The following NRF1 variants were observed in gnomAD, a reference collection of about 807,000 sequenced individuals.
NRF1 encodes the protein nuclear respiratory factor 1.
In NRF1, 5 loss-of-function variants were observed where a neutral mutation model predicts 58.5. The ratio of observed to expected loss-of-function variants is 0.09; its 90% CI spans 0.04 to 0.18. NRF1 has a LOEUF of 0.18. NRF1 is among the 10% of genes least tolerant of loss of function. The pLI, the probability that NRF1 is intolerant of heterozygous loss-of-function variation, is 1.00. For missense variants in NRF1, 288 were observed against 657.7 expected (o/e 0.44, Z 6.15); for synonymous variants, 224 against 246.7 (o/e 0.91, Z 0.86).
chr7:129,629,176 A>G (rs1007988745), intron 1 of NRF1, among the ~76,000 whole-genome samples: 2 of 152,236 alleles, frequency 1.3e-5, no homozygotes, highest in African/African-American at 4.8e-5. Context: ...GGTCTGAAGA[A>G]CAATATAGTT....
At chr7:129,644,871 G>T (rs187774997) in intron 1 of NRF1, among the ~76,000 whole-genome samples, 18 of 152,240 alleles carry the variant, frequency 1.2e-4, no homozygotes, top group Non-Finnish European at 2.5e-4. Flanking sequence ...AATAGAAGAA[G>T]ATTGGAATAT....
chr7:129,677,526 AAG>A, intron 3 of NRF1, 104 bp from the exon 4 acceptor site: 1 of 997,386 alleles, frequency 1.0e-6, no homozygotes, highest in African/African-American at 1.6e-5. Flanking sequence ...TTTTACGTAA[AAG>A]AGCATATCTG....
intron 1 of NRF1, among the ~76,000 whole-genome samples, chr7:129,626,718 T>G (rs560398912): frequency 2.6e-5 from 4 of 152,348 alleles, no homozygotes; most frequent in African/African-American, 9.6e-5. Flanking sequence ...AAGTAGCAAC[T>G]ACACCAATTA....
At chr7:129,619,466 GT>G (rs2151055020) in intron 1 of NRF1, among the ~76,000 whole-genome samples, 2 of 17,416 alleles carry the variant, frequency 1.1e-4, no homozygotes, top group African/African-American at 1.1e-4. Flanking sequence ...ACACGTGTGT[GT>G]GTGTGTGTGT....
At chr7:129,735,570 G>A (rs1424535690) in intron 10 of NRF1, among the ~76,000 whole-genome samples, 2 of 152,144 alleles carry the variant, frequency 1.3e-5, no homozygotes, top group South Asian at 2.1e-4. Flanking sequence ...AATTAAAGCT[G>A]ATGACAAGGC....
chr7:129,705,212 T>G (rs757989559), intron 5 of NRF1, among the ~76,000 whole-genome samples: 15 of 152,178 alleles, frequency 9.9e-5, no homozygotes, highest in Admixed American at 2.0e-4. Context: ...CTTGTATATT[T>G]GCTATTATTA....
At chr7:129,625,137 T>G (rs1319022905) in intron 1 of NRF1, among the ~76,000 whole-genome samples, 1 of 152,208 alleles carries the variant, frequency 6.6e-6, no homozygotes, top group Non-Finnish European at 1.5e-5. Flanking sequence ...GTGGCATTCC[T>G]TGACTTGTGG....
At chr7:129,665,508 GA>G (rs1355914470) in intron 2 of NRF1, among the ~76,000 whole-genome samples, 4 of 151,808 alleles carry the variant, frequency 2.6e-5, no homozygotes. Context: ...TGATTTTCAA[GA>G]AAAAAAAGTT....
intron 10 of NRF1, among the ~76,000 whole-genome samples, chr7:129,749,894 A>C (rs929938524): frequency 1.3e-5 from 2 of 152,080 alleles, no homozygotes; most frequent in Admixed American, 6.5e-5. Flanking sequence ...TATTTACTAA[A>C]CTGAGTTAAC....
chr7:129,745,096 T>A (rs1803941734), intron 10 of NRF1, among the ~76,000 whole-genome samples: 1 of 152,216 alleles, frequency 6.6e-6, no homozygotes, highest in African/African-American at 2.4e-5. Context: ...GCTGTTCATT[T>A]CTGCACCTGA....
intron 5 of NRF1, among the ~76,000 whole-genome samples, chr7:129,704,408 T>C (rs1250951107): frequency 6.6e-6 from 1 of 152,210 alleles, no homozygotes; most frequent in Non-Finnish European, 1.5e-5. Flanking sequence ...TTCAGAAAGC[T>C]AGCTATTTGT....
At chr7:129,743,770 G>A (rs1395205684) in intron 10 of NRF1, among the ~76,000 whole-genome samples, 1 of 152,134 alleles carries the variant, frequency 6.6e-6, no homozygotes, top group Non-Finnish European at 1.5e-5. Flanking sequence ...CAATTTCTCT[G>A]AGCGAGCCAG....
At position 129,727,371 on chromosome 7, in the gene NRF1, A is replaced by G; in HGVS notation, c.1348+6A>G. The G allele has an allele frequency of 1.3e-6, 2 of 1,582,948 alleles. No individual in the cohort carries two copies. The highest frequency in any genetic ancestry group is 2.7e-5 in the African/African-American group (2 of 73,088). On this transcript the variant is annotated splice_donor_region_variant and intron_variant, in intron 10 of 10. Transcript: ENST00000393232. ...TGGAGTCCAAGATGCTAATGGTAAG[A>G]GAGCATAAATATTTTATTAAATTTC... is the stretch of plus-strand genomic sequence containing the variant.
intron 1 of NRF1, among the ~76,000 whole-genome samples, chr7:129,646,502 G>T (rs114918634): frequency 1.3e-5 from 2 of 152,216 alleles, no homozygotes; most frequent in African/African-American, 4.8e-5. Flanking sequence ...CCCTAGGTTT[G>T]GGGGAACAGA....
At chr7:129,627,702 C>T (rs1412267778) in intron 1 of NRF1, among the ~76,000 whole-genome samples, 1 of 152,122 alleles carries the variant, frequency 6.6e-6, no homozygotes, top group Non-Finnish European at 1.5e-5. Flanking sequence ...TCCTTATAGG[C>T]TGACTCAGTT....
chr7:129,738,789 C>T (rs944336473), intron 10 of NRF1, among the ~76,000 whole-genome samples: 10 of 152,116 alleles, frequency 6.6e-5, no homozygotes, highest in South Asian at 4.1e-4. Flanking sequence ...CAGCTAAAAC[C>T]GGGACTTGCC....
intron 1 of NRF1, among the ~76,000 whole-genome samples, chr7:129,612,950 C>G (rs1800571343): frequency 6.6e-6 from 1 of 152,216 alleles, no homozygotes. Context: ...GAGCTGTTGC[C>G]TGCTCTCCAT....
intron 10 of NRF1, among the ~76,000 whole-genome samples, chr7:129,751,800 C>G (rs1351381123): frequency 2.0e-5 from 3 of 152,260 alleles, no homozygotes; most frequent in Admixed American, 6.5e-5. Flanking sequence ...GAGGAACACA[C>G]AGGTGTCTTG....
intron 9 of NRF1, among the ~76,000 whole-genome samples, chr7:129,718,483 T>G (rs1803242101): frequency 1.3e-5 from 2 of 152,224 alleles, no homozygotes; most frequent in South Asian, 4.1e-4. Context: ...CCAGCTCTAC[T>G]GGGTAAGGCT....
Sources: gnomAD v4.1 joint callset for allele counts (sites outside exome capture counted in the v4.1 genomes callset) on GRCh38, gnomAD v4.1.1 for gene constraint, MANE v1.5 for transcripts, NCBI Gene and HGNC (gene_info 2026-07-23, HGNC 2026-07-21) for gene names.